Variants in KIRREL3 observed in about 807,000 individuals in gnomAD.
KIRREL3 encodes kin of IRRE-like protein 3.
A neutral mutation model predicts 89.7 loss-of-function variants in KIRREL3; 36 were observed. The observed-to-expected ratio is 0.40, with a 90% CI of 0.31 to 0.53. KIRREL3 has a LOEUF of 0.53. Among genes scored for constraint, KIRREL3 ranks in the 20% least tolerant of loss-of-function variants. The pLI, the probability that KIRREL3 is intolerant of heterozygous loss-of-function variation, is 0.49. For synonymous variants in KIRREL3, 445 were observed against 441.4 expected (o/e 1.01, Z -0.10); for missense variants, 864 against 1,056.6 (o/e 0.82, Z 2.53).
At position 126,865,866 on chromosome 11, in the gene KIRREL3, C is replaced by CT. The variant is rs898324006; in HGVS notation, c.55+134588dup. On this transcript the variant is annotated intron_variant, in intron 1 of 16. Coordinates refer to ENST00000525144, the MANE Select transcript of KIRREL3 (RefSeq NM_032531.4). ...ATGTTTCAGAACATGTTTTTTCTTTCTTTTTTTTTAATTTTAACTTTGTTT... is the reference window on the plus strand; with the variant it reads ...ATGTTTCAGAACATGTTTTTTCTTTCTTTTTTTTTTAATTTTAACTTTGTTT... 2.6e-4 allele frequency among the ~76,000 whole-genome samples: 39 copies of CT among 151,510 alleles called. 1 individual carries two copies. Among genetic ancestry groups the CT allele is most frequent in the African/African-American group, 4.4e-4 (18 of 41,292 alleles).
At chr11:126,567,792 A>G (rs897653479) in intron 1 of KIRREL3, among the ~76,000 whole-genome samples, 2 of 150,410 alleles carry the variant, frequency 1.3e-5, no homozygotes, top group Non-Finnish European at 3.0e-5. Context: ...CGTATTGGCC[A>G]GGACAGCACT....
chr11:126,526,646 C>A lies in KIRREL3; in HGVS notation c.175G>T (p.Val59Leu). ...AGCGTCACTGGCTGTCCCGACACCA[C>A]CACCTGGTCCTGGGGCTGCTGGCTG... ...SFSQQPQDQV[V>L]VSGQPVTLLC... The change falls in exon 3 of 17, where the codon GTG becomes TTG. Residue 59 changes from valine (V) to leucine (L), a missense_variant. Val to Leu is a conservative substitution (Grantham distance 32). Transcript: ENST00000525144. This position sits in a 1 kb window ranked among gnomAD's most constrained non-coding sequence, Gnocchi z 5.7. 1 of 1,583,124 alleles carries A rather than the reference C, an allele frequency of 6.3e-7. No individual in the cohort carries two copies. The highest frequency in any genetic ancestry group is 8.6e-7 in the Non-Finnish European group (1 of 1,164,666).
rs531172788 is a variant in KIRREL3, at chr11:126,553,545, C to T, written c.133+9290G>A. ...GATTCAGCCCATCTCTACACTGCTG[C>T]GGTGCCTCCATATCTACCCATTTCA... On this transcript the variant is annotated intron_variant, in intron 2 of 16. Transcript: ENST00000525144. The surrounding 1 kb of genome is among the most constrained non-coding windows in gnomAD (Gnocchi z 4.7). 4.6e-5 allele frequency among the ~76,000 whole-genome samples: 7 copies of T among 152,324 alleles called. No individual in the cohort carries two copies. The highest frequency in any genetic ancestry group is 1.9e-4 in the East Asian group (1 of 5,184).
chr11:126,592,442 T>C (rs924568058), intron 1 of KIRREL3, among the ~76,000 whole-genome samples: 1 of 152,146 alleles, frequency 6.6e-6, no homozygotes, highest in Non-Finnish European at 1.5e-5. Flanking sequence ...GCTAAGAAAG[T>C]GGAAGGAGCT....
intron 16 of KIRREL3, 60 bp downstream of exon 16, chr11:126,425,578 G>T: frequency 1.5e-6 from 2 of 1,368,948 alleles, no homozygotes; most frequent in Non-Finnish European, 1.0e-6. Flanking sequence ...TGGGGTTTGG[G>T]CCATCAGAGC....
intron 1 of KIRREL3, among the ~76,000 whole-genome samples, chr11:126,781,325 C>A (rs1950318734): frequency 6.6e-6 from 1 of 152,110 alleles, no homozygotes; most frequent in South Asian, 2.1e-4. Flanking sequence ...AAAAGTCACA[C>A]ATACTCGTTA....
intron 1 of KIRREL3, among the ~76,000 whole-genome samples, chr11:126,735,522 A>G (rs1948771942): frequency 6.6e-6 from 1 of 152,122 alleles, no homozygotes; most frequent in South Asian, 2.1e-4. Context: ...AAAACCTCTC[A>G]TGGGGCAGCC....
chr11:126,773,564 A>G lies in KIRREL3; in HGVS notation c.56-210652T>C, dbSNP rs541018983. ...GGAGAATCCTGACTAATTCAAAGCC[A>G]AAGAGTGCTAGAGCTGGGTCTAGAT... On this transcript the variant is annotated intron_variant, in intron 1 of 16. Transcript: ENST00000525144. This position sits in a 1 kb window ranked among gnomAD's most constrained non-coding sequence, Gnocchi z 4.2. Among the ~76,000 whole-genome samples the G allele has an allele frequency of 6.3e-4, 96 of 152,342 alleles. No individual in the cohort carries two copies. Among genetic ancestry groups the G allele is most frequent in the Middle Eastern group, 3.4e-3 (1 of 294 alleles).
At chr11:126,899,221 G>A (rs1946278951) in intron 1 of KIRREL3, among the ~76,000 whole-genome samples, 1 of 152,058 alleles carries the variant, frequency 6.6e-6, no homozygotes, top group Non-Finnish European at 1.5e-5. Flanking sequence ...TTTTTGACTT[G>A]GGTATAATGA....
rs1947959907 is a variant in KIRREL3 at position 126,931,793 on chromosome 11, G to A, written c.55+68662C>T. 6.6e-6 allele frequency among the ~76,000 whole-genome samples: 1 copy of A among 152,134 alleles called. No individual in the cohort carries two copies. The highest frequency in any genetic ancestry group is 6.5e-5 in the Admixed American group (1 of 15,282). ...TCCCCTTATGGCAAAGAGAAAAGAT[G>A]GTGACAAATGATGCTAGTAACTGAG... is the stretch of plus-strand genomic sequence containing the variant. On this transcript the variant is annotated intron_variant, in intron 1 of 16. Transcript: ENST00000525144. The surrounding 1 kb of genome is among the most constrained non-coding windows in gnomAD (Gnocchi z 5.1).
intron 1 of KIRREL3, among the ~76,000 whole-genome samples, chr11:126,597,650 C>T (rs1942461791): frequency 6.6e-6 from 1 of 152,162 alleles, no homozygotes; most frequent in Non-Finnish European, 1.5e-5. Flanking sequence ...AAGGTTCTCT[C>T]GAGTGCCTTC....
Position 126,736,585 on chromosome 11 carries a change from G to A in KIRREL3, c.56-173673C>T, listed in dbSNP as rs1948808206. 6.6e-6 allele frequency among the ~76,000 whole-genome samples: 1 copy of A among 152,166 alleles called. No individual in the cohort carries two copies. Among genetic ancestry groups the A allele is most frequent in the African/African-American group, 2.4e-5 (1 of 41,444 alleles). ...AGATATTTTCGGTTGTTACAACTAAGTGGGGGAGTAGGGGTACCTGCTCCT... is the reference window on the plus strand; with the variant it reads ...AGATATTTTCGGTTGTTACAACTAAATGGGGGAGTAGGGGTACCTGCTCCT... On this transcript the variant is annotated intron_variant, in intron 1 of 16. Coordinates refer to ENST00000525144, the MANE Select transcript of KIRREL3 (RefSeq NM_032531.4). This position sits in a 1 kb window ranked among gnomAD's most constrained non-coding sequence, Gnocchi z 5.0.
In KIRREL3 at chr11:126,943,180, T is replaced by C. The variant is rs1178534798; in HGVS notation, c.55+57275A>G. ...CTCCTGCTCCACTGGGGCCTTCTCT[T>C]TGGGGTCTCAGGATTGGCTTTTGAG... On this transcript the variant is annotated intron_variant, in intron 1 of 16. Transcript: ENST00000525144. This position sits in a 1 kb window ranked among gnomAD's most constrained non-coding sequence, Gnocchi z 4.2. 6.6e-6 allele frequency among the ~76,000 whole-genome samples: 1 copy of C among 152,178 alleles called. No individual in the cohort carries two copies. Among genetic ancestry groups the C allele is most frequent in the African/African-American group, 2.4e-5 (1 of 41,448 alleles).
At chr11:126,759,387 C>A (rs1949602660) in intron 1 of KIRREL3, among the ~76,000 whole-genome samples, 1 of 152,188 alleles carries the variant, frequency 6.6e-6, no homozygotes, top group South Asian at 2.1e-4. Context: ...CTTAGCCTCC[C>A]AAAGTGCTGG....
Position 126,609,903 on chromosome 11 carries a change from A to T in KIRREL3, c.56-46991T>A, listed in dbSNP as rs903679207. On this transcript the variant is annotated intron_variant, in intron 1 of 16. Coordinates refer to ENST00000525144, the MANE Select transcript of KIRREL3 (RefSeq NM_032531.4). The surrounding 1 kb of genome is among the most constrained non-coding windows in gnomAD (Gnocchi z 5.0). ...GAACCTGATGATGCGATAGGCACCG[A>T]GATAAGAATTTTATGTGGATGACTT... is the stretch of plus-strand genomic sequence containing the variant. Among the ~76,000 whole-genome samples the T allele has an allele frequency of 1.3e-5, 2 of 152,198 alleles. No homozygotes were observed. The highest frequency in any genetic ancestry group is 2.9e-5 in the Non-Finnish European group (2 of 68,040).
intron 1 of KIRREL3, among the ~76,000 whole-genome samples, chr11:126,673,858 C>T (rs192149428): frequency 6.4e-4 from 97 of 152,324 alleles, no homozygotes; most frequent in African/African-American, 2.1e-3. Flanking sequence ...TGGGTTTTTG[C>T]GTGAGTTAAA....
At position 126,578,725 on chromosome 11, in the gene KIRREL3, C is replaced by T. The variant is rs1346217545; in HGVS notation, c.56-15813G>A. 6.6e-6 allele frequency among the ~76,000 whole-genome samples: 1 copy of T among 152,150 alleles called. No individual in the cohort carries two copies. Among genetic ancestry groups the T allele is most frequent in the Non-Finnish European group, 1.5e-5 (1 of 68,024 alleles). On this transcript the variant is annotated intron_variant, in intron 1 of 16. Transcript: ENST00000525144. The surrounding 1 kb of genome is among the most constrained non-coding windows in gnomAD (Gnocchi z 4.9). The stretch of plus-strand genomic sequence containing the variant: ...ACTTCCTGACCAACAGGCTTCTGGA[C>T]TTCTGACTCAGCACCAGTCCTGCTC...
chr11:126,826,387 T>C (rs1943413642), intron 1 of KIRREL3, among the ~76,000 whole-genome samples: 1 of 152,252 alleles, frequency 6.6e-6, no homozygotes, highest in Non-Finnish European at 1.5e-5. Flanking sequence ...CTGACTTCCT[T>C]GATTTCCCAT....
rs566979744 is a variant in KIRREL3, at chr11:126,606,134, C to T, written c.56-43222G>A. On this transcript the variant is annotated intron_variant, in intron 1 of 16. Coordinates refer to ENST00000525144, the MANE Select transcript of KIRREL3 (RefSeq NM_032531.4). The surrounding 1 kb of genome is among the most constrained non-coding windows in gnomAD (Gnocchi z 4.6). The stretch of plus-strand genomic sequence containing the variant: ...CATATTTGCTTCATAGAGCCTGTTT[C>T]GAGCATTCCAGCATAAGCCATGGGA... Among the ~76,000 whole-genome samples, 86 of 152,314 alleles carry T rather than the reference C, an allele frequency of 5.6e-4. No individual in the cohort carries two copies. The highest frequency in any genetic ancestry group is 1.9e-3 in the African/African-American group (79 of 41,552).
Sources: gnomAD v4.1 joint callset for allele counts (sites outside exome capture counted in the v4.1 genomes callset) on GRCh38, gnomAD v4.1.1 for gene constraint, Gnocchi (gnomAD v3.1) non-coding constraint, MANE v1.5 for transcripts, NCBI Gene and HGNC (gene_info 2026-07-23, HGNC 2026-07-21) for gene names.